The following CHD7 variants were observed in gnomAD, a reference collection of about 807,000 sequenced individuals.
CHD7 encodes chromodomain helicase DNA binding protein 7.
In CHD7, 24 loss-of-function variants were observed where a neutral mutation model predicts 307.3. The ratio of observed to expected loss-of-function variants is 0.08; its 90% CI spans 0.06 to 0.11. The LOEUF (loss-of-function observed/expected upper bound fraction) is 0.11. CHD7 is among the 10% of genes least tolerant of loss of function. The probability of loss-of-function intolerance (pLI) is 1.00; values close to 1 mark genes in which losing one functional copy is unlikely to be tolerated. For missense variants in CHD7, 3,106 were observed against 3,727.1 expected (o/e 0.83, Z 4.34); for synonymous variants, 1,363 against 1,349.9 (o/e 1.01, Z -0.21).
chr8:60,765,600 A>G (rs1810435255), intron 2 of CHD7, among the ~76,000 whole-genome samples: 1 of 152,236 alleles, frequency 6.6e-6, no homozygotes, highest in Admixed American at 6.5e-5. Flanking sequence ...TGATAAATCC[A>G]CAAGCACTAA....
At chr8:60,709,204 TGTTACCTAAGCAATAACCCAG>T (rs1411992265) in intron 1 of CHD7, among the ~76,000 whole-genome samples, 3 of 152,200 alleles carry the variant, frequency 2.0e-5, no homozygotes, top group Non-Finnish European at 4.4e-5. Context: ...TTCATTGTAA[TGTTACCTAAGCAATAACCCAG>T]GTGCATTTGT....
intron 1 of CHD7, among the ~76,000 whole-genome samples, chr8:60,728,268 G>A (rs899469760): frequency 1.3e-5 from 2 of 152,262 alleles, no homozygotes; most frequent in East Asian, 1.9e-4. Flanking sequence ...TGTCATCAGT[G>A]TGCAGTTCTT....
intron 1 of CHD7, among the ~76,000 whole-genome samples, chr8:60,702,355 T>C (rs1233278569): frequency 6.6e-6 from 1 of 152,264 alleles, no homozygotes; most frequent in East Asian, 1.9e-4. Flanking sequence ...TCTTTCTTGT[T>C]AGACTAGGTA....
chr8:60,833,243 G>T (rs969434661), intron 15 of CHD7, among the ~76,000 whole-genome samples: 1 of 152,234 alleles, frequency 6.6e-6, no homozygotes, highest in East Asian at 1.9e-4. Flanking sequence ...ATGAAAAATA[G>T]AAGCAATTTT....
At position 60,860,918 on chromosome 8, in the gene CHD7, G is replaced by C; in HGVS notation, c.7623G>C (p.Val2541=). 4 of 1,613,358 alleles carry C rather than the reference G, an allele frequency of 2.5e-6. No individual in the cohort carries two copies. The highest frequency in any genetic ancestry group is 3.4e-6 in the Non-Finnish European group (4 of 1,179,544). The change falls in exon 35 of 38, where the codon GTG becomes GTC. Residue 2541 remains valine (V), a synonymous_variant. Coordinates refer to ENST00000423902, the MANE Select transcript of CHD7 (RefSeq NM_017780.4). ...RTSLSAEDAE[V]TKAFEEDIET... is the part of the protein sequence containing the mutation. ...ACTTTCTGCAGGAGGATGCTGAGGT[G>C]ACCAAAGCTTTTGAAGAAGATATAG...
At chr8:60,714,994 A>G (rs1807516266) in intron 1 of CHD7, among the ~76,000 whole-genome samples, 1 of 152,256 alleles carries the variant, frequency 6.6e-6, no homozygotes, top group Non-Finnish European at 1.5e-5. Flanking sequence ...AGCCACAAGA[A>G]TAGGAAAGAG....
At chr8:60,733,392 C>T (rs910924545) in intron 1 of CHD7, among the ~76,000 whole-genome samples, 3 of 152,110 alleles carry the variant, frequency 2.0e-5, no homozygotes, top group Non-Finnish European at 2.9e-5. Context: ...AATGTGTGCC[C>T]ATCTGTTCCT....
chr8:60,797,427 C>G (rs940702259), intron 4 of CHD7, among the ~76,000 whole-genome samples: 1 of 152,178 alleles, frequency 6.6e-6, no homozygotes, highest in Non-Finnish European at 1.5e-5. Context: ...GTTATACTTA[C>G]CAACTCATAA....
At chr8:60,749,565 T>G (rs140163599) in intron 2 of CHD7, among the ~76,000 whole-genome samples, 1,678 of 151,280 alleles carry the variant, frequency 0.011, 13 homozygotes, top group Non-Finnish European at 0.016. Context: ...TTCTCACTTC[T>G]AAAGACATCT....
intron 34 of CHD7, among the ~76,000 whole-genome samples, chr8:60,857,162 C>T (rs1443156945): frequency 2.0e-5 from 3 of 152,194 alleles, no homozygotes; most frequent in Non-Finnish European, 2.9e-5. Context: ...ACATGTTCTT[C>T]TGAATCTAGA....
rs532595196 is a variant in CHD7 at position 60,784,209 on chromosome 8, G to A, written c.2096+2779G>A. Among the ~76,000 whole-genome samples, 9 of 152,312 alleles carry A rather than the reference G, an allele frequency of 5.9e-5. No individual in the cohort carries two copies. In the South Asian group the frequency reaches 1.5e-3, roughly 25 times the overall value. On this transcript the variant is annotated intron_variant, in intron 3 of 37. Coordinates refer to ENST00000423902, the MANE Select transcript of CHD7 (RefSeq NM_017780.4). ...ATGTTAGTACTGGGTTTGAATTGCC[G>A]TAGCAGTTTGCTTTTAAGCACTGGA...
chr8:60,753,292 C>T (rs762532948), intron 2 of CHD7, among the ~76,000 whole-genome samples: 15 of 152,144 alleles, frequency 9.9e-5, no homozygotes, highest in Non-Finnish European at 1.8e-4. Context: ...TGGAATAAGG[C>T]GCTGTGGGAA....
chr8:60,858,414 A>AT (rs1443318395), intron 34 of CHD7, among the ~76,000 whole-genome samples: 1 of 152,216 alleles, frequency 6.6e-6, no homozygotes, highest in Non-Finnish European at 1.5e-5. Flanking sequence ...TTAAAATGCC[A>AT]TTTCTAGGGG....
rs34506970 is a variant in CHD7, at chr8:60,749,603, T to TAA, written c.1665+6514_1665+6515dup. On this transcript the variant is annotated intron_variant, in intron 2 of 37. Coordinates refer to ENST00000423902, the MANE Select transcript of CHD7 (RefSeq NM_017780.4). ...GAAAGATGGGAAAACAAAATGTCTC[T>TAA]AAAAAAAAATCAGCTTTTACCTAAG... Among the ~76,000 whole-genome samples the TAA allele has an allele frequency of 1.7e-4, 26 of 151,158 alleles. No homozygotes were observed. In the South Asian group the frequency reaches 2.1e-3, roughly 12 times the overall value.
chr8:60,793,373 A>G (rs1413873747), intron 3 of CHD7, among the ~76,000 whole-genome samples: 2 of 152,106 alleles, frequency 1.3e-5, no homozygotes, highest in Admixed American at 1.3e-4. Context: ...CATTTGCTAT[A>G]ATCTTGAATT....
rs933141928 is a variant in CHD7 at position 60,836,155 on chromosome 8, G to A, written c.3861G>A (p.Gln1287=). The A allele has an allele frequency of 6.2e-6, 10 of 1,613,660 alleles. No individual in the cohort carries two copies. The East Asian group carries it at 2.0e-4, about 32-fold the overall frequency. ...ATTTTCAGCTCCAGGCAATGATCCAGGCTGCTGGCAAGCTAGTGCTGATTG... is the reference window on the plus strand; with the variant it reads ...ATTTTCAGCTCCAGGCAATGATCCAAGCTGCTGGCAAGCTAGTGCTGATTG... ...SPDFQLQAMI[Q]AAGKLVLIDK... The change falls in exon 16 of 38, where the codon CAG becomes CAA. Residue 1287 remains glutamine, a synonymous_variant. Transcript: ENST00000423902.
chr8:60,722,913 G>T (rs1004731698), intron 1 of CHD7, among the ~76,000 whole-genome samples: 4 of 152,232 alleles, frequency 2.6e-5, no homozygotes, highest in African/African-American at 9.6e-5. Context: ...GCTTCTTAAA[G>T]GTTAGTTTCA....
intron 15 of CHD7, among the ~76,000 whole-genome samples, chr8:60,834,673 T>C (rs1158734268): frequency 6.6e-6 from 1 of 152,190 alleles, no homozygotes; most frequent in Non-Finnish European, 1.5e-5. Flanking sequence ...AAGAAGTCAG[T>C]GTATTTTGTG....
At chr8:60,698,875 C>T (rs1806623583) in intron 1 of CHD7, among the ~76,000 whole-genome samples, 1 of 152,182 alleles carries the variant, frequency 6.6e-6, no homozygotes, top group Non-Finnish European at 1.5e-5. Flanking sequence ...CAACCTCTGC[C>T]TCCTGGGCTC....
Sources: allele counts gnomAD v4.1 joint callset (sites outside exome capture counted in the v4.1 genomes callset), GRCh38; gene constraint gnomAD v4.1.1; transcripts MANE v1.5; gene names NCBI Gene and HGNC (gene_info 2026-07-23, HGNC 2026-07-21).